Variants in DNAH11 observed in about 807,000 individuals in gnomAD.
The protein encoded by DNAH11 is axonemal beta dynein heavy chain 11.
DNAH11 carries 442 observed loss-of-function variants against 526.0 expected under a neutral mutation model. The ratio of observed to expected loss-of-function variants is 0.84; its 90% confidence interval spans 0.78 to 0.91. DNAH11 has a LOEUF of 0.91. Among genes scored for constraint, DNAH11 ranks in the 40% least tolerant of loss-of-function variants. The pLI is 0.00. For missense variants in DNAH11, 6,989 were observed against 5,448.7 expected (o/e 1.28, Z -8.90); for synonymous variants, 2,461 against 1,935.9 (o/e 1.27, Z -7.12).
intron 79 of DNAH11, 88 bp from the exon 80 acceptor site, chr7:21,899,248 C>A: frequency 1.9e-6 from 2 of 1,025,968 alleles, no homozygotes; most frequent in South Asian, 1.3e-5. Context: ...TCCACCACCA[C>A]CCTGCCCTAA....
intron 7 of DNAH11, chr7:21,570,524 A>C: frequency 2.5e-6 from 1 of 407,330 alleles, no homozygotes; most frequent in Non-Finnish European, 4.3e-6. Flanking sequence ...CCATTATTAC[A>C]TTGAGTATAA....
At chr7:21,672,145 C>T (rs1173508562) in intron 30 of DNAH11, among the ~76,000 whole-genome samples, 6 of 152,090 alleles carry the variant, frequency 3.9e-5, no homozygotes, top group Non-Finnish European at 8.8e-5. Context: ...GAGAGGTCCT[C>T]GTTGCTGTTA....
chr7:21,559,382 T>G (rs988174591), intron 3 of DNAH11, among the ~76,000 whole-genome samples: 2 of 152,180 alleles, frequency 1.3e-5, no homozygotes, highest in South Asian at 2.1e-4. Context: ...TAAAATAGTT[T>G]TTGAGGATAT....
chr7:21,826,022 C>T (rs1428052164), intron 65 of DNAH11, among the ~76,000 whole-genome samples: 5 of 151,346 alleles, frequency 3.3e-5, no homozygotes, highest in African/African-American at 9.7e-5. Flanking sequence ...AAAGGTGGAC[C>T]GTGGGAGGGG....
In DNAH11 at chr7:21,739,675, T is replaced by A; in HGVS notation, c.7914+2T>A. ...TTCACCATCAATCCCAGGCTACAGGTAGGGTGTTGAATACTGCTCTCAAAA... is the reference window on the plus strand; with the variant it reads ...TTCACCATCAATCCCAGGCTACAGGAAGGGTGTTGAATACTGCTCTCAAAA... On this transcript the variant is annotated splice_donor_variant, in intron 48 of 81. Transcript: ENST00000409508. LOFTEE classifies it high-confidence loss of function. 1 of 1,609,266 alleles carries A rather than the reference T, an allele frequency of 6.2e-7. No individual in the cohort carries two copies. The highest frequency in any genetic ancestry group is 1.1e-5 in the South Asian group (1 of 90,162).
chr7:21,624,091 C>A (rs1335055251), intron 25 of DNAH11, among the ~76,000 whole-genome samples: 1 of 152,042 alleles, frequency 6.6e-6, no homozygotes, highest in Admixed American at 6.6e-5. Flanking sequence ...AACACTGTTG[C>A]ATTGTTGATT....
chr7:21,748,563 G>T lies in DNAH11; in HGVS notation c.8511-17G>T. The T allele has an allele frequency of 6.7e-7, 1 of 1,482,708 alleles. No homozygotes were observed. Among genetic ancestry groups the T allele is most frequent in the Non-Finnish European group, 9.0e-7 (1 of 1,111,762 alleles). 91.8% of individuals were successfully genotyped at this position (1,482,708 alleles called of 1,614,324 possible). ...CATTTTCGATTTTGTGCCATAATGGGCGCTTCCTTTCCTCAGGTGTCGCAT... is the reference window on the plus strand; with the variant it reads ...CATTTTCGATTTTGTGCCATAATGGTCGCTTCCTTTCCTCAGGTGTCGCAT... On this transcript the variant is annotated splice_polypyrimidine_tract_variant and intron_variant, in intron 51 of 81. Transcript: ENST00000409508.
chr7:21,597,501 T>TG (rs1321490747), intron 14 of DNAH11, among the ~76,000 whole-genome samples: 5 of 152,164 alleles, frequency 3.3e-5, no homozygotes, highest in Non-Finnish European at 7.3e-5. Flanking sequence ...TCTAGATGGC[T>TG]GGGGAGGCCT....
intron 61 of DNAH11, among the ~76,000 whole-genome samples, chr7:21,789,813 T>TCC (rs1788377186): frequency 1.2e-5 from 1 of 85,560 alleles, no homozygotes; most frequent in African/African-American, 4.6e-5. Flanking sequence ...TTCTTTTTTC[T>TCC]TTCTTTCTTT....
chr7:21,815,619 C>A (rs1340778940), intron 63 of DNAH11, among the ~76,000 whole-genome samples: 6 of 152,226 alleles, frequency 3.9e-5, no homozygotes, highest in Non-Finnish European at 7.4e-5. Context: ...TCCATGTTAA[C>A]CACCCCACCA....
At chr7:21,800,736 C>T (rs1255007788) in intron 61 of DNAH11, among the ~76,000 whole-genome samples, 2 of 152,152 alleles carry the variant, frequency 1.3e-5, no homozygotes, top group Non-Finnish European at 2.9e-5. Context: ...AGAAAAGAAT[C>T]CGTGGGTGGA....
At chr7:21,697,031 G>C (rs1783882697) in intron 35 of DNAH11, among the ~76,000 whole-genome samples, 1 of 152,110 alleles carries the variant, frequency 6.6e-6, no homozygotes, top group African/African-American at 2.4e-5. Context: ...AGATAGAAGA[G>C]ATATAGAATA....
chr7:21,816,691 G>A lies in DNAH11; in HGVS notation c.10557G>A (p.Leu3519=). Residue 3519 remains leucine, a synonymous_variant, in exon 64 of 82, where the codon TTG becomes TTA. Coordinates refer to ENST00000409508, the MANE Select transcript of DNAH11 (RefSeq NM_001277115.2). ...GAATGGACCTGAAAGTCACACATTT[G>A]GGCCAGAAAGGGTATGTGAAGTTTG... is the stretch of plus-strand genomic sequence containing the variant. ...KYGMDLKVTH[L]GQKGFLNAIE... 1 of 1,613,200 alleles carries A rather than the reference G, an allele frequency of 6.2e-7. No individual in the cohort carries two copies. Among genetic ancestry groups the A allele is most frequent in the Non-Finnish European group, 8.5e-7 (1 of 1,179,578 alleles).
At chr7:21,597,485 C>T (rs979630736) in intron 14 of DNAH11, among the ~76,000 whole-genome samples, 4 of 152,170 alleles carry the variant, frequency 2.6e-5, no homozygotes, top group South Asian at 4.1e-4. Context: ...TTAATTGACT[C>T]GCAGTTCTAG....
At chr7:21,624,045 A>G (rs1583539442) in intron 25 of DNAH11, among the ~76,000 whole-genome samples, 2 of 152,088 alleles carry the variant, frequency 1.3e-5, no homozygotes, top group Admixed American at 1.3e-4. Context: ...TAATGAGGGC[A>G]GAGCCCTCAT....
intron 42 of DNAH11, among the ~76,000 whole-genome samples, chr7:21,714,082 C>G (rs1183449305): frequency 6.6e-6 from 1 of 152,160 alleles, no homozygotes; most frequent in African/African-American, 2.4e-5. Context: ...TCACAGCTCC[C>G]AAGGCATATG....
chr7:21,619,354 C>A, intron 24 of DNAH11, 132 bp downstream of exon 24: 1 of 1,010,724 alleles, frequency 9.9e-7, no homozygotes, highest in Non-Finnish European at 1.4e-6. Context: ...CCCTGCTGTT[C>A]ATTAGGTGTG....
intron 51 of DNAH11, among the ~76,000 whole-genome samples, chr7:21,746,069 T>G (rs1786136883): frequency 6.6e-6 from 1 of 152,178 alleles, no homozygotes; most frequent in South Asian, 2.1e-4. Flanking sequence ...GAACTTTGAT[T>G]TTATTCTAAG....
At chr7:21,763,881 T>C (rs1787047949) in intron 54 of DNAH11, among the ~76,000 whole-genome samples, 1 of 150,876 alleles carries the variant, frequency 6.6e-6, no homozygotes, top group Admixed American at 6.6e-5. Flanking sequence ...AATCCTGTCA[T>C]ATGTCAACAT....
Sources: allele counts gnomAD v4.1 joint callset (sites outside exome capture counted in the v4.1 genomes callset), GRCh38; gene constraint gnomAD v4.1.1; transcripts MANE v1.5; gene names NCBI Gene and HGNC (gene_info 2026-07-23, HGNC 2026-07-21).